Variants in NAF1 observed in about 807,000 individuals in gnomAD.
NAF1 encodes nuclear assembly factor 1 ribonucleoprotein.
A neutral mutation model predicts 40.6 loss-of-function variants in NAF1; 11 were observed. That is an observed-to-expected ratio of 0.27 (90% CI 0.17 to 0.45). The LOEUF is 0.45. Among genes scored for constraint, NAF1 ranks in the 20% least tolerant of loss-of-function variants. The pLI, the probability that NAF1 is intolerant of heterozygous loss-of-function variation, is 1.00. For synonymous variants in NAF1, 260 were observed against 228.5 expected, an observed-to-expected ratio of 1.14 and a Z score of -1.24; for missense variants, 607 against 611.1, an observed-to-expected ratio of 0.99 and a Z score of 0.07.
intron 2 of NAF1, among the ~76,000 whole-genome samples, chr4:163,115,197 TAA>T (rs1370445807): frequency 3.9e-4 from 46 of 116,752 alleles, no homozygotes; most frequent in Admixed American, 7.5e-4. Context: ...TATAGGACAA[TAA>T]TTTTTTTATT....
intron 2 of NAF1, among the ~76,000 whole-genome samples, chr4:163,161,805 C>T (rs1010417882): frequency 1.3e-5 from 2 of 152,106 alleles, no homozygotes; most frequent in African/African-American, 4.8e-5. Flanking sequence ...ATATAAGCTC[C>T]CTTTCCTGTG....
downstream of NAF1, among the ~76,000 whole-genome samples, chr4:163,107,718 A>G (rs552687911): frequency 2.0e-5 from 3 of 152,314 alleles, no homozygotes; most frequent in South Asian, 6.2e-4. Context: ...TGGAAAGCAC[A>G]ATGTACAATA....
chr4:163,131,264 TAAC>T lies in NAF1; in HGVS notation c.1033+1887_1033+1889del, dbSNP rs564026604. Among the ~76,000 whole-genome samples the T allele has an allele frequency of 4.8e-3, 728 of 152,238 alleles. 4 individuals are homozygous for T. Among genetic ancestry groups the T allele is most frequent in the African/African-American group, 0.016 (672 of 41,544 alleles). On this transcript the variant is annotated intron_variant, in intron 7 of 7. Transcript: ENST00000274054. ...TCAATATGCTGAATTTCATTAAACT[TAAC>T]AATTTCTGCTCCACGAAAGATACTA...
At chr4:163,144,730 A>T (rs1038369091) in intron 4 of NAF1, among the ~76,000 whole-genome samples, 3 of 152,248 alleles carry the variant, frequency 2.0e-5, no homozygotes, top group Non-Finnish European at 4.4e-5. Context: ...AACTAAAGTT[A>T]GAGGTGTAAA....
intron 2 of NAF1, among the ~76,000 whole-genome samples, chr4:163,159,282 AC>A (rs908935323): frequency 1.3e-5 from 2 of 152,138 alleles, no homozygotes; most frequent in Admixed American, 6.5e-5. Flanking sequence ...TTTTTGAAGA[AC>A]ACTAGTGAAT....
chr4:163,133,896 G>A (rs1470732731), intron 6 of NAF1, among the ~76,000 whole-genome samples: 1 of 152,042 alleles, frequency 6.6e-6, no homozygotes, highest in Non-Finnish European at 1.5e-5. Context: ...TCCTGCCTTA[G>A]CCTCCTGAGT....
Position 163,140,292 on chromosome 4 carries a change from T to A in NAF1, c.809A>T (p.Lys270Met). The A allele has an allele frequency of 1.2e-6, 2 of 1,608,594 alleles. No homozygotes were observed. The highest frequency in any genetic ancestry group is 1.7e-6 in the Non-Finnish European group (2 of 1,177,406). Residue 270 changes from lysine (K) to methionine (M), a missense_variant, in exon 5 of 8, where the codon AAG becomes ATG. Transcript: ENST00000274054. ...TGATGGAGCAAAATACATAGTCTCC[T>A]TTATTTTAATACCTTTACTCTCAAT... ...DHIESKGIKIKETMYFAPSMK... is the reference protein window; with the variant it reads ...DHIESKGIKIMETMYFAPSMK...
At chr4:163,135,870 T>C (rs1001448916) in intron 6 of NAF1, 1 of 152,236 alleles carries the variant, frequency 6.6e-6, no homozygotes, top group African/African-American at 2.4e-5. Flanking sequence ...TAAACACGTT[T>C]AAAACATGTA....
At chr4:163,122,536 A>G (rs748404357), downstream of NAF1, among the ~76,000 whole-genome samples, 2 of 152,228 alleles carry the variant, frequency 1.3e-5, no homozygotes, top group Non-Finnish European at 2.9e-5. Flanking sequence ...TCACTTACCT[A>G]CACAGAAGAA....
At chr4:163,107,111 C>T (rs553772970), downstream of NAF1, among the ~76,000 whole-genome samples, 150 of 152,186 alleles carry the variant, frequency 9.9e-4, no homozygotes, top group Middle Eastern at 3.4e-3. Context: ...CTTAGCCTCC[C>T]GAGTAGCTGG....
At chr4:163,132,773 G>C (rs1287389767) in intron 7 of NAF1, among the ~76,000 whole-genome samples, 1 of 152,204 alleles carries the variant, frequency 6.6e-6, no homozygotes, top group Admixed American at 6.5e-5. Context: ...AACTGTATGT[G>C]AATCTATGGT....
chr4:163,143,176 G>A (rs1388806872), intron 4 of NAF1, among the ~76,000 whole-genome samples: 2 of 152,014 alleles, frequency 1.3e-5, no homozygotes, highest in African/African-American at 4.8e-5. Context: ...TGGTTTTCTA[G>A]GTATCCTTTC....
At chr4:163,121,362 G>A (rs1183613429) in intron 2 of NAF1, among the ~76,000 whole-genome samples, 1 of 151,878 alleles carries the variant, frequency 6.6e-6, no homozygotes, top group African/African-American at 2.4e-5. Flanking sequence ...TACAAAATGA[G>A]AAGTAAAAAA....
At chr4:163,161,018 CAAAAAAAAAAAAA>C (rs796248441) in intron 2 of NAF1, among the ~76,000 whole-genome samples, 3 of 59,694 alleles carry the variant, frequency 5.0e-5, no homozygotes, top group Non-Finnish European at 1.1e-4. Context: ...TGTCATTTTC[CAAAAAAAAAAAAA>C]AAAAAAAAAT....
intron 2 of NAF1, chr4:163,110,349 C>G: frequency 1.5e-6 from 1 of 678,236 alleles, no homozygotes; most frequent in Non-Finnish European, 2.7e-6. Flanking sequence ...ATTCACATAA[C>G]TGTTACTACA....
Position 163,130,104 on chromosome 4 carries a change from A to C in NAF1, c.1034-756T>G, listed in dbSNP as rs560831442. On this transcript the variant is annotated intron_variant, in intron 7 of 7. Transcript: ENST00000274054. ...CTGCCAGAGTAGCATTTTTAAAAAG[A>C]CAAAGAAACAATCACAACAAACCCA... 3.9e-5 allele frequency among the ~76,000 whole-genome samples: 6 copies of C among 152,308 alleles called. No homozygotes were observed. The South Asian group carries it at 1.2e-3, about 32-fold the overall frequency.
chr4:163,109,749 C>T (rs1393623376), downstream of NAF1, among the ~76,000 whole-genome samples: 3 of 152,122 alleles, frequency 2.0e-5, no homozygotes, highest in African/African-American at 7.2e-5. Flanking sequence ...TAACACCTGA[C>T]ATTTTGCACA....
At chr4:163,165,246 T>G (rs1732402249) in intron 1 of NAF1, among the ~76,000 whole-genome samples, 1 of 152,198 alleles carries the variant, frequency 6.6e-6, no homozygotes, top group South Asian at 2.1e-4. Context: ...CAGTTTCCAT[T>G]TGATTTCACT....
chr4:163,159,664 A>G (rs776458560), intron 2 of NAF1, among the ~76,000 whole-genome samples: 8 of 152,156 alleles, frequency 5.3e-5, no homozygotes, highest in Non-Finnish European at 8.8e-5. Context: ...ACACTGCCAC[A>G]ATCAGGAGAA....
Sources: allele counts gnomAD v4.1 joint callset (sites outside exome capture counted in the v4.1 genomes callset), GRCh38; gene constraint gnomAD v4.1.1; transcripts MANE v1.5; gene names NCBI Gene and HGNC (gene_info 2026-07-23, HGNC 2026-07-21).